Variants in ARHGAP22 observed in about 807,000 individuals in gnomAD.
ARHGAP22 encodes Rho GTPase activating protein 22, also known as rho GTPase-activating protein 22.
ARHGAP22 carries 48 observed loss-of-function variants against 59.1 expected under a neutral mutation model. The ratio of observed to expected loss-of-function variants is 0.81; its 90% CI spans 0.64 to 1.03. ARHGAP22 has a LOEUF of 1.03. Ranked by LOEUF, ARHGAP22 falls within the 50% of genes least tolerant of loss-of-function variation. The pLI is 0.00. For missense variants in ARHGAP22, 1,015 were observed against 958.7 expected, an observed-to-expected ratio of 1.06 and a Z score of -0.78; for synonymous variants, 445 against 416.4, an observed-to-expected ratio of 1.07 and a Z score of -0.84.
chr10:48,438,920 G>C, the ARHGAP22 span: 2 of 152,166 alleles, frequency 1.3e-5, no homozygotes, highest in Admixed American at 6.5e-5. Context: ...AAAATTTTAC[G>C]AAGAAATAAA....
intron 2 of ARHGAP22, among the ~76,000 whole-genome samples, chr10:48,572,158 A>G (rs1352843756): frequency 6.8e-6 from 1 of 147,628 alleles, no homozygotes; most frequent in African/African-American, 2.5e-5. Context: ...TAAGATACCA[A>G]ATTATAAATA....
chr10:48,555,499 C>T lies in ARHGAP22; in HGVS notation c.286G>A (p.Glu96Lys), dbSNP rs148577877. 1.5e-5 allele frequency: 25 copies of T among 1,614,192 alleles called. No homozygotes were observed. Among genetic ancestry groups the T allele is most frequent in the Non-Finnish European group, 1.9e-5 (23 of 1,180,028 alleles). The change falls in exon 3 of 10, where the codon GAG (glutamate) becomes AAG (lysine). Residue 96 changes from glutamate to lysine, a missense_variant. Physicochemically the swap from Glu to Lys is moderately conservative, Grantham distance 56. Transcript: ENST00000249601. ...TQVTELPPGP[E>K]DPGKHLFEIS... ...TCAAAGAGGTGCTTCCCTGGGTCCT[C>T]GGGGCCAGGAGGAAGTTCAGTCACC...
intron 8 of ARHGAP22, 159 bp from the exon 9 acceptor site, chr10:48,451,299 ACACACCC>A: frequency 1.0e-6 from 1 of 998,574 alleles, no homozygotes; most frequent in Non-Finnish European, 1.5e-6. Context: ...GGAAAGGACC[ACACACCC>A]TCCAACTCCA....
chr10:48,584,226 C>T (rs1218299534), intron 1 of ARHGAP22, among the ~76,000 whole-genome samples: 2 of 152,206 alleles, frequency 1.3e-5, no homozygotes, highest in African/African-American at 4.8e-5. Context: ...TGCACTGTAT[C>T]TGTGATTCTG....
At chr10:48,594,549 A>G (rs2059951430) in intron 1 of ARHGAP22, among the ~76,000 whole-genome samples, 1 of 151,986 alleles carries the variant, frequency 6.6e-6, no homozygotes. Flanking sequence ...TCCTGTGTCT[A>G]TTTCCCTCCC....
intron 1 of ARHGAP22, among the ~76,000 whole-genome samples, chr10:48,647,870 T>C (rs1021623472): frequency 2.6e-5 from 4 of 152,176 alleles, no homozygotes; most frequent in African/African-American, 9.7e-5. Context: ...AGCACACTGA[T>C]CACTGATTCA....
rs547177605 is a variant in ARHGAP22 at position 48,453,936 on chromosome 10, C to T, written c.866+152G>A. On this transcript the variant is annotated intron_variant, in intron 7 of 9. Coordinates refer to ENST00000249601, the MANE Select transcript of ARHGAP22 (RefSeq NM_021226.4). ...AACTCAGGGTCTGTGCTTTTCCACT[C>T]CCTGCTTCGTCCACGCTGGGTTGAG... The T allele has an allele frequency of 1.5e-3, 1,166 of 786,272 alleles. 6 individuals carry two copies. Among genetic ancestry groups the T allele is most frequent in the Non-Finnish European group, 1.6e-3 (758 of 471,306 alleles). 48.7% of individuals were successfully genotyped at this position (786,272 alleles called of 1,614,324 possible).
chr10:48,567,065 G>C (rs991491907), intron 2 of ARHGAP22, among the ~76,000 whole-genome samples: 4 of 152,208 alleles, frequency 2.6e-5, no homozygotes, highest in Admixed American at 2.6e-4. Context: ...CCTTTTCAGG[G>C]TGAGTGGGTC....
At chr10:48,600,232 G>A (rs1290148497) in intron 1 of ARHGAP22, among the ~76,000 whole-genome samples, 2 of 152,152 alleles carry the variant, frequency 1.3e-5, no homozygotes, top group African/African-American at 4.8e-5. Context: ...AAAGTGGAAG[G>A]ACTGTTTGTG....
At position 48,568,678 on chromosome 10, in the gene ARHGAP22, G is replaced by A. The variant is rs757564943; in HGVS notation, c.235-13128C>T. On this transcript the variant is annotated intron_variant, in intron 2 of 9. Transcript: ENST00000249601. ...CACCATTGTGATGCTCACCGTCTCC[G>A]CTGCTCTTCAGAGCCTGCCGGCTGG... Among the ~76,000 whole-genome samples the A allele has an allele frequency of 2.6e-5, 4 of 152,324 alleles. No individual in the cohort carries two copies. The South Asian group carries it at 6.2e-4, about 24-fold the overall frequency.
intron 2 of ARHGAP22, among the ~76,000 whole-genome samples, chr10:48,558,417 C>T (rs1172061593): frequency 6.6e-6 from 1 of 151,486 alleles, no homozygotes; most frequent in Admixed American, 6.6e-5. Flanking sequence ...GGCTGGAGAG[C>T]AGTGTTGCGA....
rs190657010 is a variant in ARHGAP22, at chr10:48,536,550, C to T, written c.322+18913G>A. Among the ~76,000 whole-genome samples, 345 of 152,316 alleles carry T rather than the reference C, an allele frequency of 2.3e-3. 2 individuals carry two copies. The highest frequency in any genetic ancestry group is 8.1e-3 in the African/African-American group (337 of 41,548). On this transcript the variant is annotated intron_variant, in intron 3 of 9. Transcript: ENST00000249601. ...ACTCAACCTCCAGTGCCTCTGTTTC[C>T]CCACTTCCTACAGCCAGGCCTCAAT...
chr10:48,507,066 A>G (rs1203871610), intron 3 of ARHGAP22, among the ~76,000 whole-genome samples: 1 of 152,216 alleles, frequency 6.6e-6, no homozygotes, highest in East Asian at 1.9e-4. Flanking sequence ...AAACACGCTA[A>G]AAAATGACCT....
intron 1 of ARHGAP22, among the ~76,000 whole-genome samples, chr10:48,622,616 G>A (rs540741248): frequency 5.3e-5 from 8 of 152,136 alleles, no homozygotes; most frequent in Non-Finnish European, 1.0e-4. Context: ...GAATTAGACA[G>A]CCCTGGGATC....
At position 48,560,419 on chromosome 10, in the gene ARHGAP22, AT is replaced by A. The variant is rs1387230351; in HGVS notation, c.235-4870del. ...AGTAGATTTTTGCAGGCTTCATCAG[AT>A]TTTTGACATAAACAATTATGTTGGG... On this transcript the variant is annotated intron_variant, in intron 2 of 9. Transcript: ENST00000249601. Among the ~76,000 whole-genome samples, 8 of 152,266 alleles carry A rather than the reference AT, an allele frequency of 5.3e-5. No individual in the cohort carries two copies. The East Asian group carries it at 1.5e-3, about 29-fold the overall frequency.
intron 3 of ARHGAP22, among the ~76,000 whole-genome samples, chr10:48,530,259 A>AAAAAAAAC: frequency 2.0e-5 from 3 of 150,482 alleles, no homozygotes; most frequent in Non-Finnish European, 2.9e-5. Flanking sequence ...AAAAAAAAAA[A>AAAAAAAAC]AATCAACTCA....
At position 48,450,625 on chromosome 10, in the gene ARHGAP22, G is replaced by A. The variant is rs773768263; in HGVS notation, c.1504C>T (p.Pro502Ser). 1.3e-6 allele frequency: 2 copies of A among 1,549,164 alleles called. No individual in the cohort carries two copies. Among genetic ancestry groups the A allele is most frequent in the Admixed American group, 2.0e-5 (1 of 51,004 alleles). Residue 502 changes from proline to serine, a missense_variant, in exon 9 of 10, where the codon CCC (proline) becomes TCC (serine). Physicochemically the swap from Pro to Ser is moderately conservative, Grantham distance 74. Coordinates refer to ENST00000249601, the MANE Select transcript of ARHGAP22 (RefSeq NM_021226.4). ...YDNVPAPGLV[P>S]GIPSVASMAW... is the part of the protein sequence containing the mutation. ...ATACTGGCCACGCTGGGTATGCCGG[G>A]GACCAGGCCCGGCGCGGGCACATTG...
rs1361495055 is a variant in ARHGAP22, at chr10:48,497,391, G to A, written c.323-17627C>T. On this transcript the variant is annotated intron_variant, in intron 3 of 9. Coordinates refer to ENST00000249601, the MANE Select transcript of ARHGAP22 (RefSeq NM_021226.4). ...CTCCTCCTCAGCAGCGCTCAGCCAG[G>A]GATAGGAGGAGGCTGATGACTCACT... Among the ~76,000 whole-genome samples the A allele has an allele frequency of 2.0e-5, 3 of 152,314 alleles. No homozygotes were observed. In the South Asian group the frequency reaches 6.2e-4, roughly 32 times the overall value.
chr10:48,559,552 T>C (rs1309118912), intron 2 of ARHGAP22, among the ~76,000 whole-genome samples: 1 of 152,236 alleles, frequency 6.6e-6, no homozygotes, highest in Non-Finnish European at 1.5e-5. Flanking sequence ...TATCAAATTA[T>C]GTTTCATCAA....
Sources: allele counts gnomAD v4.1 joint callset (sites outside exome capture counted in the v4.1 genomes callset), GRCh38; gene constraint gnomAD v4.1.1; transcripts MANE v1.5; gene names NCBI Gene and HGNC (gene_info 2026-07-23, HGNC 2026-07-21).